KCNMA1: variants seen among roughly 807,000 people sequenced by gnomAD.
The protein encoded by KCNMA1 is potassium calcium-activated channel subfamily M alpha 1, also known as Calcium-activated potassium channel subunit alpha-1.
A neutral mutation model predicts 140.0 loss-of-function variants in KCNMA1; 29 were observed. That is an observed-to-expected ratio of 0.21 (90% CI 0.15 to 0.28). The LOEUF (loss-of-function observed/expected upper bound fraction) is 0.28. Among genes scored for constraint, KCNMA1 ranks in the 10% least tolerant of loss-of-function variants. The pLI is 1.00. For missense variants in KCNMA1, 880 were observed against 1,602.2 expected (o/e 0.55, Z 7.70); for synonymous variants, 612 against 611.9 (o/e 1.00, Z 0.00).
intron 2 of KCNMA1, among the ~76,000 whole-genome samples, chr10:77,294,952 G>C (rs985321499): frequency 4.0e-5 from 6 of 151,838 alleles, no homozygotes; most frequent in African/African-American, 1.5e-4. Context: ...ATTGATAAGG[G>C]GCTCCCAATT....
chr10:77,180,242 T>C (rs115835525), intron 5 of KCNMA1, among the ~76,000 whole-genome samples: 1,647 of 152,372 alleles, frequency 0.011, 29 homozygotes, highest in African/African-American at 0.038. Flanking sequence ...CCCTATTTAA[T>C]GGGATTATTT....
intron 14 of KCNMA1, among the ~76,000 whole-genome samples, chr10:77,048,983 C>A (rs2095246067): frequency 6.6e-6 from 1 of 152,096 alleles, no homozygotes; most frequent in Non-Finnish European, 1.5e-5. Flanking sequence ...CCAAGATGGT[C>A]TCGATCTCCT....
intron 1 of KCNMA1, among the ~76,000 whole-genome samples, chr10:77,593,336 TAAAGCGATACATTTGG>T (rs2154565100): frequency 6.6e-6 from 1 of 152,330 alleles, no homozygotes; most frequent in African/African-American, 2.4e-5. Flanking sequence ...TCACCATCTA[TAAAGCGATACATTTGG>T]ATTAGTTAAT....
At chr10:77,013,777 A>G (rs2091405314) in intron 17 of KCNMA1, among the ~76,000 whole-genome samples, 1 of 152,204 alleles carries the variant, frequency 6.6e-6, no homozygotes, top group Admixed American at 6.5e-5. Context: ...AAGGAAACTG[A>G]AGCACAGAGA....
At chr10:77,143,828 T>C (rs910775861) in intron 5 of KCNMA1, among the ~76,000 whole-genome samples, 1 of 152,160 alleles carries the variant, frequency 6.6e-6, no homozygotes, top group African/African-American at 2.4e-5. Flanking sequence ...GCAGTACATT[T>C]ATATGACAAA....
chr10:77,540,571 T>C (rs527943319), intron 1 of KCNMA1, among the ~76,000 whole-genome samples: 74 of 152,350 alleles, frequency 4.9e-4, no homozygotes, highest in African/African-American at 1.6e-3. Context: ...GCACTAGCAA[T>C]TGGAATTTAT....
At chr10:76,998,474 G>C (rs2085112926) in intron 19 of KCNMA1, among the ~76,000 whole-genome samples, 1 of 152,072 alleles carries the variant, frequency 6.6e-6, no homozygotes, top group Admixed American at 6.5e-5. Flanking sequence ...GAGTGTCTTG[G>C]GAAACAATAC....
chr10:77,382,788 C>A (rs2095435689), intron 2 of KCNMA1, among the ~76,000 whole-genome samples: 4 of 143,260 alleles, frequency 2.8e-5, no homozygotes. Flanking sequence ...TCACTTGAAC[C>A]CAGAAGGTGG....
At chr10:77,542,476 G>A (rs1218518187) in intron 1 of KCNMA1, among the ~76,000 whole-genome samples, 2 of 152,170 alleles carry the variant, frequency 1.3e-5, no homozygotes, top group African/African-American at 4.8e-5. Context: ...CCCAGACTTG[G>A]CTGATTGTTA....
At chr10:76,953,606 A>G (rs2067097913) in intron 21 of KCNMA1, among the ~76,000 whole-genome samples, 195 bp downstream of exon 21, 1 of 152,150 alleles carries the variant, frequency 6.6e-6, no homozygotes, top group Non-Finnish European at 1.5e-5. Context: ...ATATTCAGAG[A>G]TTGAAAAATC....
intron 10 of KCNMA1, 56 bp downstream of exon 10, chr10:77,090,344 T>C: frequency 8.8e-7 from 1 of 1,131,428 alleles, no homozygotes; most frequent in Non-Finnish European, 1.4e-6. Flanking sequence ...ATTCAGGGAG[T>C]CCCTCGCAGG....
At chr10:77,395,125 T>C (rs1369833955) in intron 2 of KCNMA1, among the ~76,000 whole-genome samples, 4 of 152,090 alleles carry the variant, frequency 2.6e-5, no homozygotes, top group South Asian at 2.1e-4. Flanking sequence ...GGTGAGAGGA[T>C]TGCCTGGGCC....
At chr10:77,612,201 C>T (rs184630188) in intron 1 of KCNMA1, among the ~76,000 whole-genome samples, 70 of 152,310 alleles carry the variant, frequency 4.6e-4, no homozygotes, top group African/African-American at 1.5e-3. Flanking sequence ...GCACATTTCA[C>T]GGACATGGCC....
chr10:77,434,459 A>G (rs1225533141), intron 1 of KCNMA1, among the ~76,000 whole-genome samples: 1 of 152,200 alleles, frequency 6.6e-6, no homozygotes, highest in Non-Finnish European at 1.5e-5. Context: ...TCTCAAGGCC[A>G]GCCTGCACCA....
chr10:77,458,871 A>C lies in KCNMA1; in HGVS notation c.379-54848T>G, dbSNP rs559242512. 2.0e-5 allele frequency among the ~76,000 whole-genome samples: 3 copies of C among 152,356 alleles called. No individual in the cohort carries two copies. In the South Asian group the frequency reaches 6.2e-4, roughly 32 times the overall value. On this transcript the variant is annotated intron_variant, in intron 1 of 27. Transcript: ENST00000286628. ...ACTTAGTTCCTCAGTCCACTAGCCA[A>C]ATTCCAAAAGCTCAATAACCACAGA...
intron 5 of KCNMA1, among the ~76,000 whole-genome samples, chr10:77,126,735 C>CAA (rs1491449603): frequency 6.9e-6 from 1 of 144,008 alleles, no homozygotes; most frequent in Non-Finnish European, 1.5e-5. Flanking sequence ...ACCCCCCCCC[C>CAA]ACCACCACAC....
At chr10:76,972,198 C>T (rs1299670937) in intron 19 of KCNMA1, among the ~76,000 whole-genome samples, 1 of 152,070 alleles carries the variant, frequency 6.6e-6, no homozygotes, top group South Asian at 2.1e-4. Context: ...TCACTCTAGT[C>T]GGGGTGCAAG....
chr10:77,629,499 C>T (rs2092933599), intron 1 of KCNMA1, among the ~76,000 whole-genome samples: 1 of 152,142 alleles, frequency 6.6e-6, no homozygotes, highest in African/African-American at 2.4e-5. Context: ...ATTTGCCACC[C>T]CCAACCAATG....
chr10:77,135,593 C>T (rs971897384), intron 5 of KCNMA1, among the ~76,000 whole-genome samples: 9 of 152,148 alleles, frequency 5.9e-5, no homozygotes, highest in East Asian at 5.8e-4. Context: ...TGAAATCAAC[C>T]GCAGTGTCCA....
Sources: gnomAD v4.1 joint callset for allele counts (sites outside exome capture counted in the v4.1 genomes callset) on GRCh38, gnomAD v4.1.1 for gene constraint, MANE v1.5 for transcripts, NCBI Gene and HGNC (gene_info 2026-07-23, HGNC 2026-07-21) for gene names.